DLGAP1: variants seen among roughly 807,000 people sequenced by gnomAD.
DLGAP1 encodes DLG associated protein 1.
DLGAP1 carries 11 observed loss-of-function variants against 90.8 expected under a neutral mutation model. That is an observed-to-expected ratio of 0.12 (90% CI 0.08 to 0.20). DLGAP1 has a LOEUF of 0.20. Ranked by LOEUF, DLGAP1 falls within the 10% of genes least tolerant of loss-of-function variation. DLGAP1 has a pLI of 1.00. For synonymous variants in DLGAP1, 558 were observed against 540.7 expected, an observed-to-expected ratio of 1.03 and a Z score of -0.44; for missense variants, 1,050 against 1,333.8, an observed-to-expected ratio of 0.79 and a Z score of 3.31.
At chr18:3,674,547 G>T (rs2060226227) in intron 7 of DLGAP1, among the ~76,000 whole-genome samples, 1 of 151,998 alleles carries the variant, frequency 6.6e-6, no homozygotes, top group Admixed American at 6.6e-5. Flanking sequence ...TTGAGCCCAG[G>T]AGTTCAAGGC....
chr18:3,624,185 C>T (rs986372754), intron 7 of DLGAP1, among the ~76,000 whole-genome samples: 8 of 152,216 alleles, frequency 5.3e-5, no homozygotes, highest in Non-Finnish European at 7.3e-5. Context: ...AACGGTTGGC[C>T]TGTGCGTCAA....
rs1447704061 is a variant in DLGAP1 at position 3,565,528 on chromosome 18, C to A, written c.2057+1962G>T. ...AAAACACTTAATAAAGAAACATATG[C>A]CTAGGACATTAAAGCAATGATTACC... On this transcript the variant is annotated intron_variant, in intron 9 of 12. Coordinates refer to ENST00000315677, the MANE Select transcript of DLGAP1 (RefSeq NM_004746.4). The surrounding 1 kb of genome is among the most constrained non-coding windows in gnomAD (Gnocchi z 4.0). Among the ~76,000 whole-genome samples, 1 of 151,988 alleles carries A rather than the reference C, an allele frequency of 6.6e-6. No individual in the cohort carries two copies. Among genetic ancestry groups the A allele is most frequent in the Non-Finnish European group, 1.5e-5 (1 of 67,986 alleles).
chr18:3,750,740 G>C (rs2063464799), intron 5 of DLGAP1, among the ~76,000 whole-genome samples: 1 of 152,148 alleles, frequency 6.6e-6, no homozygotes. Flanking sequence ...TGATTTTCCA[G>C]TCTCCTCGTT....
chr18:4,409,114 T>G (rs898013223), intron 1 of DLGAP1, among the ~76,000 whole-genome samples: 4 of 151,996 alleles, frequency 2.6e-5, no homozygotes, highest in Admixed American at 2.6e-4. Flanking sequence ...TAAAATAATT[T>G]AAAAAATGGT....
rs768227902 is a variant in DLGAP1, at chr18:3,729,346, G to C, written c.1380C>G (p.Phe460Leu). Residue 460 changes from phenylalanine (F) to leucine (L), a missense_variant, in exon 7 of 13, where the codon TTC (phenylalanine) becomes TTG (leucine). Transcript: ENST00000315677. The surrounding 1 kb of genome is among the most constrained non-coding windows in gnomAD (Gnocchi z 6.2). ...QVSEMEVNGQFESVCESVFSE... is the reference protein window; with the variant it reads ...QVSEMEVNGQLESVCESVFSE... ...TGAACACGGACTCGCACACGGACTC[G>C]AACTGCCCGTTCACTTCCATCTCGC... 4.3e-6 allele frequency: 7 copies of C among 1,613,604 alleles called. No homozygotes were observed. The East Asian group carries it at 1.3e-4, about 31-fold the overall frequency.
At chr18:4,173,428 G>A (rs769312263) in intron 1 of DLGAP1, among the ~76,000 whole-genome samples, 3 of 152,142 alleles carry the variant, frequency 2.0e-5, no homozygotes, top group Non-Finnish European at 4.4e-5. Flanking sequence ...CGGTAGAGAC[G>A]ATGTAACCAT....
intron 3 of DLGAP1, among the ~76,000 whole-genome samples, chr18:3,931,528 T>C (rs538041782): frequency 6.6e-6 from 1 of 152,300 alleles, no homozygotes; most frequent in South Asian, 2.1e-4. Flanking sequence ...TTTGTCTCAA[T>C]AGGATAAGGT....
intron 1 of DLGAP1, among the ~76,000 whole-genome samples, chr18:4,336,149 T>C (rs1858667725): frequency 6.6e-6 from 1 of 152,238 alleles, no homozygotes; most frequent in African/African-American, 2.4e-5. Context: ...CCACACACCA[T>C]TCATAGGTAC....
intron 4 of DLGAP1, among the ~76,000 whole-genome samples, chr18:3,867,028 A>G (rs560623531): frequency 2.0e-5 from 3 of 152,222 alleles, no homozygotes; most frequent in South Asian, 2.1e-4. Flanking sequence ...ATTTTTTTGT[A>G]TCTTTAGTAG....
At chr18:4,290,013 T>C (rs1182949079) in intron 1 of DLGAP1, among the ~76,000 whole-genome samples, 1 of 152,198 alleles carries the variant, frequency 6.6e-6, no homozygotes, top group Non-Finnish European at 1.5e-5. Context: ...TAACATTCTA[T>C]GTAAAAAAGG....
At chr18:4,298,679 C>T (rs556335912) in intron 1 of DLGAP1, among the ~76,000 whole-genome samples, 8 of 151,822 alleles carry the variant, frequency 5.3e-5, no homozygotes, top group East Asian at 1.9e-4. Flanking sequence ...TGCTAGATGA[C>T]GAGTTAGTGG....
At chr18:4,068,099 T>C (rs34122791) in intron 2 of DLGAP1, among the ~76,000 whole-genome samples, 26 of 152,108 alleles carry the variant, frequency 1.7e-4, no homozygotes, top group African/African-American at 6.0e-4. Context: ...TTTAGACATA[T>C]TCCTTTTCTC....
At chr18:4,076,182 C>G (rs1184806367) in intron 2 of DLGAP1, among the ~76,000 whole-genome samples, 1 of 152,088 alleles carries the variant, frequency 6.6e-6, no homozygotes, top group African/African-American at 2.4e-5. Flanking sequence ...TTTCTTTTCT[C>G]CTTAAAAACA....
At chr18:3,926,401 CATATATAT>C (rs35464708) in intron 3 of DLGAP1, among the ~76,000 whole-genome samples, 59,133 of 145,630 alleles carry the variant, frequency 0.41, 12,384 homozygotes, top group East Asian at 0.48. Flanking sequence ...AAGCAAATGA[CATATATAT>C]ATATATATAT....
intron 7 of DLGAP1, among the ~76,000 whole-genome samples, chr18:3,600,903 G>A (rs1415011624): frequency 3.3e-5 from 2 of 60,430 alleles, no homozygotes; most frequent in Admixed American, 1.5e-4. Context: ...GATATATATA[G>A]ATATATAGAT....
Position 3,636,712 on chromosome 18 carries a change from G to T in DLGAP1, c.1592-54464C>A, listed in dbSNP as rs539483767. On this transcript the variant is annotated intron_variant, in intron 7 of 12. Coordinates refer to ENST00000315677, the MANE Select transcript of DLGAP1 (RefSeq NM_004746.4). Reference sequence around the variant, plus strand: ...ATTACAGGCATAAGCCACCATGCTCGGCCACTTTTACATCTTTTTTTTTTT... The same window carrying T: ...ATTACAGGCATAAGCCACCATGCTCTGCCACTTTTACATCTTTTTTTTTTT... 1.1e-3 allele frequency among the ~76,000 whole-genome samples: 156 copies of T among 146,164 alleles called. 5 individuals are homozygous for T. The highest frequency in any genetic ancestry group is 3.9e-3 in the African/African-American group (151 of 38,634).
At chr18:3,804,086 C>T (rs983078653) in intron 5 of DLGAP1, among the ~76,000 whole-genome samples, 1 of 150,734 alleles carries the variant, frequency 6.6e-6, no homozygotes, top group Non-Finnish European at 1.5e-5. Context: ...CTCTGCCTCC[C>T]GAGTTCAAGT....
chr18:4,283,403 A>G (rs1295458488), intron 1 of DLGAP1, among the ~76,000 whole-genome samples: 1 of 152,222 alleles, frequency 6.6e-6, no homozygotes, highest in African/African-American at 2.4e-5. Context: ...GATTAGATTT[A>G]TTTTGATTTC....
rs892017473 is a variant in DLGAP1, at chr18:4,084,692, C to A, written c.-159+66488G>T. On this transcript the variant is annotated intron_variant, in intron 2 of 12. Transcript: ENST00000315677. This position sits in a 1 kb window ranked among gnomAD's most constrained non-coding sequence, Gnocchi z 4.0. ...TCTCCACGATTATCTACTTATTTAC[C>A]AAACTTAGCATAAAAATACATGGGG... 5.9e-5 allele frequency among the ~76,000 whole-genome samples: 9 copies of A among 152,140 alleles called. No individual in the cohort carries two copies. The highest frequency in any genetic ancestry group is 1.0e-4 in the Non-Finnish European group (7 of 68,032).
Sources: allele counts gnomAD v4.1 joint callset (sites outside exome capture counted in the v4.1 genomes callset), GRCh38; gene constraint gnomAD v4.1.1; non-coding constraint Gnocchi (gnomAD v3.1); transcripts MANE v1.5; gene names NCBI Gene and HGNC (gene_info 2026-07-23, HGNC 2026-07-21).